Variants in OXNAD1 observed in about 807,000 individuals in gnomAD.
OXNAD1 encodes oxidoreductase NAD binding domain containing 1.
In OXNAD1, 34 loss-of-function variants were observed where a neutral mutation model predicts 32.9. The observed-to-expected ratio is 1.03, with a 90% CI of 0.79 to 1.38. OXNAD1 has a LOEUF of 1.38. Ranked by LOEUF, OXNAD1 falls within the 40% of genes most tolerant of loss-of-function variation. The pLI is 0.00. For synonymous variants in OXNAD1, 134 were observed against 135.2 expected, an observed-to-expected ratio of 0.99 and a Z score of 0.06; for missense variants, 407 against 379.4, an observed-to-expected ratio of 1.07 and a Z score of -0.60.
chr3:16,310,882 C>T (rs1047493107), downstream of OXNAD1, among the ~76,000 whole-genome samples: 10 of 150,854 alleles, frequency 6.6e-5, no homozygotes, highest in African/African-American at 2.2e-4. Context: ...CCCAGCTACT[C>T]GGCAGGCTGA....
chr3:16,332,751 C>T (rs2070450712), intron 9 of OXNAD1, among the ~76,000 whole-genome samples: 1 of 152,172 alleles, frequency 6.6e-6, no homozygotes, highest in Admixed American at 6.5e-5. Flanking sequence ...CCTCTATCTA[C>T]TTTCCATCTA....
chr3:16,286,305 G>T, intron 4 of OXNAD1, 37 bp from the exon 5 acceptor site: 1 of 1,487,148 alleles, frequency 6.7e-7, no homozygotes. Flanking sequence ...TGCTGTGTAC[G>T]CACTAACCTC....
intron 5 of OXNAD1, among the ~76,000 whole-genome samples, 165 bp downstream of exon 5, chr3:16,286,613 C>A (rs547627458): frequency 6.6e-6 from 1 of 152,334 alleles, no homozygotes; most frequent in Admixed American, 6.5e-5. Context: ...GATCTGATTC[C>A]TTTTCTGGCC....
Position 16,265,806 on chromosome 3 carries a change from T to C in OXNAD1, c.-159+301T>C, listed in dbSNP as rs2064449432. The C allele has an allele frequency of 1.1e-6, 1 of 936,550 alleles. No individual in the cohort carries two copies. Among genetic ancestry groups the C allele is most frequent in the Admixed American group, 6.2e-5 (1 of 16,206 alleles). The allele number at this position is 936,550 out of a possible 1,614,324, so 58.0% of individuals were successfully genotyped here. On this transcript the variant is annotated intron_variant, in intron 1 of 8. Coordinates refer to ENST00000285083, the MANE Select transcript of OXNAD1 (RefSeq NM_138381.5). This position sits in a 1 kb window ranked among gnomAD's most constrained non-coding sequence, Gnocchi z 4.8. ...GGCATCTTGACTAAAATCATACACC[T>C]GGGAAATAATGAAGAGCTTGTCTGT...
Position 16,302,745 on chromosome 3 carries a change from A to C in OXNAD1, c.781A>C (p.Thr261Pro). The C allele has an allele frequency of 6.2e-7, 1 of 1,604,102 alleles. No homozygotes were observed. The change falls in exon 8 of 9, where the codon ACG becomes CCG. Residue 261 changes from threonine to proline, a missense_variant. Thr to Pro is a conservative substitution (Grantham distance 38). Coordinates refer to ENST00000285083, the MANE Select transcript of OXNAD1 (RefSeq NM_138381.5). This position sits in a 1 kb window ranked among gnomAD's most constrained non-coding sequence, Gnocchi z 4.2. ...CAATGCGGAACTCAAGCCATACATC[A>C]CGGGTGAGTCCCCTAAAGATATTTT... ...QINAELKPYI[T>P]EGRITEKEIR...
chr3:16,305,009 C>A lies in OXNAD1; in HGVS notation c.*1447C>A, dbSNP rs918723060. On this transcript the variant is annotated 3_prime_UTR_variant, in exon 9 of 9. Coordinates refer to ENST00000285083, the MANE Select transcript of OXNAD1 (RefSeq NM_138381.5). This position sits in a 1 kb window ranked among gnomAD's most constrained non-coding sequence, Gnocchi z 4.5. The stretch of plus-strand genomic sequence containing the variant: ...ACTGACCTGATGGGAATATCATAAT[C>A]CATTCAAGGAAATGGTCATTAGTAC... 1 of 152,160 alleles carries A rather than the reference C, an allele frequency of 6.6e-6. No individual in the cohort carries two copies. Among genetic ancestry groups the A allele is most frequent in the African/African-American group, 2.4e-5 (1 of 41,416 alleles). 9.4% of individuals were successfully genotyped at this position (152,160 alleles called of 1,614,324 possible). A position where few individuals can be genotyped will look rare whatever the true frequency, so the allele number is the denominator to read the frequency against.
chr3:16,307,293 A>T (rs2125113221), downstream of OXNAD1, among the ~76,000 whole-genome samples: 1 of 152,280 alleles, frequency 6.6e-6, no homozygotes, highest in Admixed American at 6.5e-5. Context: ...CTGCTGTGTC[A>T]GTGGTTCACA....
Position 16,277,818 on chromosome 3 carries a change from T to C in OXNAD1, c.183+6096T>C, listed in dbSNP as rs1222547199. Among the ~76,000 whole-genome samples the C allele has an allele frequency of 6.6e-6, 1 of 152,260 alleles. No homozygotes were observed. The highest frequency in any genetic ancestry group is 2.1e-4 in the South Asian group (1 of 4,836). ...AACTGTAAGTAGTCTGAGATTGTGC[T>C]GATGGAGGAAACTGAACTCTGAATT... is the stretch of plus-strand genomic sequence containing the variant. On this transcript the variant is annotated intron_variant, in intron 4 of 8. Transcript: ENST00000285083. The surrounding 1 kb of genome is among the most constrained non-coding windows in gnomAD (Gnocchi z 4.3).
intron 9 of OXNAD1, among the ~76,000 whole-genome samples, chr3:16,332,746 A>G (rs367905305): frequency 2.6e-5 from 4 of 152,174 alleles, no homozygotes; most frequent in African/African-American, 7.2e-5. Context: ...AGATTCCTCT[A>G]TCTACTTTCC....
intron 6 of OXNAD1, 88 bp downstream of exon 6, chr3:16,295,085 A>G: frequency 7.0e-7 from 1 of 1,433,250 alleles, no homozygotes; most frequent in South Asian, 1.6e-5. Context: ...TCACCTAAGA[A>G]ACCTGGGCTT....
downstream of OXNAD1, among the ~76,000 whole-genome samples, chr3:16,309,331 A>G (rs977606365): frequency 7.2e-5 from 11 of 152,172 alleles, no homozygotes; most frequent in Non-Finnish European, 1.0e-4. Flanking sequence ...AAAATTGACT[A>G]GTATTACCAA....
At chr3:16,326,871 G>C in intron 9 of OXNAD1, 3 of 1,613,100 alleles carry the variant, frequency 1.9e-6, no homozygotes, top group Non-Finnish European at 2.5e-6. Context: ...TCTGCACTTC[G>C]ACACCCTGGG....
chr3:16,282,948 CAAG>C (rs199767994), intron 4 of OXNAD1, among the ~76,000 whole-genome samples: 3,000 of 145,742 alleles, frequency 0.021, 53 homozygotes, highest in Middle Eastern at 0.052. Context: ...TTGAGAGACA[CAAG>C]AAGGAGACCA....
At chr3:16,341,853 G>A (rs115565674), downstream of OXNAD1, among the ~76,000 whole-genome samples, 4,556 of 152,240 alleles carry the variant, frequency 0.03, 100 homozygotes, top group Middle Eastern at 0.082. This position sits in a 1 kb window ranked among gnomAD's most constrained non-coding sequence, Gnocchi z 4.7. Context: ...AGTTTGAAGA[G>A]TATGATACCA....
intron 5 of OXNAD1, among the ~76,000 whole-genome samples, chr3:16,293,298 G>C (rs988025401): frequency 4.6e-5 from 7 of 151,870 alleles, no homozygotes; most frequent in African/African-American, 1.7e-4. Context: ...AAGTGTAATT[G>C]GTTTTCTAAA....
chr3:16,324,756 G>A (rs2069526754), intron 9 of OXNAD1, among the ~76,000 whole-genome samples: 1 of 148,240 alleles, frequency 6.7e-6, no homozygotes, highest in African/African-American at 2.5e-5. Context: ...CCATTTCTTA[G>A]CTGTTGTGAA....
At chr3:16,272,301 G>T in intron 4 of OXNAD1, 1 of 330,488 alleles carries the variant, frequency 3.0e-6, no homozygotes, top group Non-Finnish European at 5.9e-6. Flanking sequence ...GAGAAATAAA[G>T]GATCCTCACC....
chr3:16,326,329 C>T (rs568833), intron 9 of OXNAD1, among the ~76,000 whole-genome samples: 70,710 of 152,176 alleles, frequency 0.46, 16,604 homozygotes, highest in African/African-American at 0.53. Flanking sequence ...CCTCAACCTC[C>T]CTGGCTACAC....
At position 16,301,967 on chromosome 3, in the gene OXNAD1, A is replaced by T. The variant is rs905489021; in HGVS notation, c.675+99A>T. 1.1e-5 allele frequency: 16 copies of T among 1,451,146 alleles called. No individual in the cohort carries two copies. The African/African-American group carries it at 2.3e-4, about 21-fold the overall frequency. 89.9% of individuals were successfully genotyped at this position (1,451,146 alleles called of 1,614,324 possible). Reference sequence around the variant, plus strand: ...GTTTTGTTTTCTCTGCAAAGGTTCAAACAAAAGGCTTGGCAAGATTTAATC... The same window carrying T: ...GTTTTGTTTTCTCTGCAAAGGTTCATACAAAAGGCTTGGCAAGATTTAATC... On this transcript the variant is annotated intron_variant, in intron 7 of 8. Transcript: ENST00000285083. This position sits in a 1 kb window ranked among gnomAD's most constrained non-coding sequence, Gnocchi z 4.1.
Sources: allele counts gnomAD v4.1 joint callset (sites outside exome capture counted in the v4.1 genomes callset), GRCh38; gene constraint gnomAD v4.1.1; non-coding constraint Gnocchi (gnomAD v3.1); transcripts MANE v1.5; gene names NCBI Gene and HGNC (gene_info 2026-07-23, HGNC 2026-07-21).